Variants in WDPCP observed in about 807,000 individuals in gnomAD.
WDPCP encodes WD repeat-containing and planar cell polarity effector protein fritz homolog.
Under a neutral mutation model 93.1 loss-of-function variants are expected in WDPCP, and 71 were observed. The ratio of observed to expected loss-of-function variants is 0.76; its 90% CI spans 0.63 to 0.93. WDPCP has a LOEUF of 0.93. WDPCP is among the 40% of genes least tolerant of loss of function. The pLI is 0.00. For synonymous variants in WDPCP, 315 were observed against 315.0 expected, an observed-to-expected ratio of 1.00 and a Z score of 0.00; for missense variants, 844 against 887.4, an observed-to-expected ratio of 0.95 and a Z score of 0.62.
chr2:63,139,889 C>T (rs531192522), intron 17 of WDPCP, among the ~76,000 whole-genome samples: 62 of 152,006 alleles, frequency 4.1e-4, no homozygotes, highest in African/African-American at 1.3e-3. Context: ...TCTTTGCCTA[C>T]GCCAATGTCT....
At chr2:63,486,413 A>C (rs1187643793) in intron 4 of WDPCP, 129 bp downstream of exon 4, 3 of 738,492 alleles carry the variant, frequency 4.1e-6, no homozygotes, top group African/African-American at 1.8e-5. Flanking sequence ...TTATATGTTT[A>C]TATTCCTAAG....
intron 2 of WDPCP, among the ~76,000 whole-genome samples, chr2:63,761,115 C>T (rs1339072753): frequency 1.3e-5 from 2 of 152,128 alleles, no homozygotes; most frequent in Admixed American, 6.5e-5. Flanking sequence ...AATGCAACAA[C>T]GTTGAGAGGT....
intron 12 of WDPCP, among the ~76,000 whole-genome samples, chr2:63,335,292 G>T (rs1476368776): frequency 6.6e-6 from 1 of 152,104 alleles, no homozygotes; most frequent in Non-Finnish European, 1.5e-5. Flanking sequence ...TTTTTCCTGT[G>T]AATCTGTATT....
intron 1 of WDPCP, among the ~76,000 whole-genome samples, chr2:63,814,234 A>G (rs1670899877): frequency 2.0e-5 from 3 of 152,006 alleles, no homozygotes; most frequent in Admixed American, 2.0e-4. Context: ...GTAAACAATT[A>G]TTTTCCCAGC....
At chr2:63,299,007 G>C (rs939580996) in intron 13 of WDPCP, among the ~76,000 whole-genome samples, 1 of 152,208 alleles carries the variant, frequency 6.6e-6, no homozygotes, top group South Asian at 2.1e-4. Context: ...ATGTAGGCTA[G>C]GCTTGTCTAC....
intron 1 of WDPCP, among the ~76,000 whole-genome samples, chr2:63,583,642 C>T (rs1326879704): frequency 1.3e-5 from 2 of 150,048 alleles, no homozygotes; most frequent in Non-Finnish European, 2.9e-5. Context: ...GATTGCGCCA[C>T]TGCACTCCAG....
At chr2:63,528,382 T>A (rs1000333795) in intron 1 of WDPCP, among the ~76,000 whole-genome samples, 1 of 152,222 alleles carries the variant, frequency 6.6e-6, no homozygotes, top group Non-Finnish European at 1.5e-5. Context: ...CCATCTTGAA[T>A]TAATTTTTGT....
At chr2:63,625,094 C>A (rs1185945452) in intron 3 of WDPCP, among the ~76,000 whole-genome samples, 3 of 152,118 alleles carry the variant, frequency 2.0e-5, no homozygotes, top group Non-Finnish European at 2.9e-5. Flanking sequence ...AATATCTCAA[C>A]AGATGCAGAA....
chr2:63,770,774 G>T (rs962376098), intron 2 of WDPCP, among the ~76,000 whole-genome samples: 2 of 151,850 alleles, frequency 1.3e-5, no homozygotes, highest in East Asian at 3.9e-4. Context: ...TCCAGTGGAT[G>T]CATGACAGGG....
At chr2:63,416,256 G>A (rs1558602861) in intron 9 of WDPCP, among the ~76,000 whole-genome samples, 1 of 150,556 alleles carries the variant, frequency 6.6e-6, no homozygotes, top group Non-Finnish European at 1.5e-5. Context: ...CTGGAGTGCA[G>A]TGGTGCAATT....
intron 2 of WDPCP, among the ~76,000 whole-genome samples, chr2:63,784,858 T>G (rs1351364908): frequency 3.9e-5 from 6 of 152,186 alleles, no homozygotes; most frequent in Admixed American, 2.6e-4. Context: ...GCTTTAAAAT[T>G]GGCAAACCTG....
At chr2:63,319,705 C>G (rs1057355813) in intron 12 of WDPCP, among the ~76,000 whole-genome samples, 2 of 152,008 alleles carry the variant, frequency 1.3e-5, no homozygotes, top group African/African-American at 4.8e-5. Flanking sequence ...GTCTCCATCT[C>G]CTGACCTCGT....
chr2:63,377,793 GTA>G (rs35964937), intron 12 of WDPCP: 21,762 of 149,030 alleles, frequency 0.15, 1,976 homozygotes, highest in Admixed American at 0.24. Flanking sequence ...TGAACTTCAT[GTA>G]TATATATATA....
At chr2:63,477,187 T>C (rs932618770) in intron 6 of WDPCP, among the ~76,000 whole-genome samples, 4 of 152,128 alleles carry the variant, frequency 2.6e-5, no homozygotes, top group Non-Finnish European at 4.4e-5. Context: ...CTTTATTAAA[T>C]TCAAAAATTC....
chr2:63,327,134 C>T (rs538443070), intron 12 of WDPCP, among the ~76,000 whole-genome samples: 13 of 152,166 alleles, frequency 8.5e-5, no homozygotes, highest in South Asian at 6.2e-4. Flanking sequence ...TCCTCCCAGG[C>T]GATTAAGGGA....
At chr2:63,829,906 G>T (rs1425691099), upstream of WDPCP, among the ~76,000 whole-genome samples, 1 of 151,756 alleles carries the variant, frequency 6.6e-6, no homozygotes, top group Non-Finnish European at 1.5e-5. Flanking sequence ...TGTAAGCCGT[G>T]TTATTAAATC....
chr2:63,144,101 G>C (rs192747209), intron 17 of WDPCP, among the ~76,000 whole-genome samples: 1 of 152,066 alleles, frequency 6.6e-6, no homozygotes, highest in Non-Finnish European at 1.5e-5. Context: ...GTTGTTTAAC[G>C]TAATCCCAGA....
intron 1 of WDPCP, among the ~76,000 whole-genome samples, chr2:63,550,193 A>G (rs1013843285): frequency 1.1e-3 from 1 of 910 alleles, no homozygotes; most frequent in Non-Finnish European, 1.8e-3. Flanking sequence ...ATCTTAAGAA[A>G]CACACACACA....
intron 2 of WDPCP, among the ~76,000 whole-genome samples, chr2:63,741,367 C>A (rs1459270961): frequency 6.6e-6 from 1 of 151,980 alleles, no homozygotes; most frequent in African/African-American, 2.4e-5. Flanking sequence ...AAGATACCTG[C>A]ACAGAGCTGG....
Sources: gnomAD v4.1 joint callset for allele counts (sites outside exome capture counted in the v4.1 genomes callset) on GRCh38, gnomAD v4.1.1 for gene constraint, MANE v1.5 for transcripts, NCBI Gene and HGNC (gene_info 2026-07-23, HGNC 2026-07-21) for gene names.